Variants in AFAP1L1 observed in about 807,000 individuals in gnomAD.
AFAP1L1 encodes actin filament associated protein 1 like 1.
AFAP1L1 carries 77 observed loss-of-function variants against 99.8 expected under a neutral mutation model. That is an observed-to-expected ratio of 0.77 (90% CI 0.64 to 0.93). AFAP1L1 has a LOEUF of 0.93. AFAP1L1 is among the 40% of genes least tolerant of loss of function. AFAP1L1 has a pLI of 0.00. For synonymous variants in AFAP1L1, 373 were observed against 395.3 expected, an observed-to-expected ratio of 0.94 and a Z score of 0.67; for missense variants, 893 against 996.8, an observed-to-expected ratio of 0.90 and a Z score of 1.40.
At chr5:149,309,289 C>CT (rs552421470) in intron 7 of AFAP1L1, among the ~76,000 whole-genome samples, 5 of 152,164 alleles carry the variant, frequency 3.3e-5, no homozygotes, top group Non-Finnish European at 7.4e-5. Context: ...GATTTCTGGC[C>CT]TTTTTTTCTA....
At chr5:149,308,831 A>T (rs1756517573) in intron 7 of AFAP1L1, among the ~76,000 whole-genome samples, 1 of 151,926 alleles carries the variant, frequency 6.6e-6, no homozygotes, top group African/African-American at 2.4e-5. Context: ...ATGGTGGCTC[A>T]TGCCTGTTTT....
At chr5:149,303,535 G>T (rs868188974) in intron 5 of AFAP1L1, among the ~76,000 whole-genome samples, 3 of 152,342 alleles carry the variant, frequency 2.0e-5, no homozygotes, top group Admixed American at 6.5e-5. Flanking sequence ...TAGCACAGTG[G>T]AATGCTCTCC....
Position 149,320,157 on chromosome 5 carries a change from G to A in AFAP1L1, c.1626-234G>A, listed in dbSNP as rs1332482114. The stretch of plus-strand genomic sequence containing the variant: ...TCGGATCTCTGTTTTCTGACTCATA[G>A]AATGGTGGTGATGAATTACCTGCCT... On this transcript the variant is annotated intron_variant, in intron 13 of 18. Transcript: ENST00000296721. This position sits in a 1 kb window ranked among gnomAD's most constrained non-coding sequence, Gnocchi z 4.0. Among the ~76,000 whole-genome samples the A allele has an allele frequency of 1.3e-5, 2 of 152,228 alleles. No individual in the cohort carries two copies. Among genetic ancestry groups the A allele is most frequent in the South Asian group, 4.1e-4 (2 of 4,838 alleles).
In AFAP1L1 at chr5:149,312,865, G is replaced by A. The variant is rs1466868157; in HGVS notation, c.1020+661G>A. Among the ~76,000 whole-genome samples the A allele has an allele frequency of 4.6e-5, 7 of 152,184 alleles. 1 individual carries two copies. The East Asian group carries it at 1.4e-3, about 29-fold the overall frequency. On this transcript the variant is annotated intron_variant, in intron 9 of 18. Coordinates refer to ENST00000296721, the MANE Select transcript of AFAP1L1 (RefSeq NM_152406.4). ...GAGTAGGCCGGGCGCAGTGGCTCAC[G>A]CCTGTAATCCCAGCACTTTGGGAGG...
intron 16 of AFAP1L1, among the ~76,000 whole-genome samples, chr5:149,331,262 C>T (rs1201304538): frequency 6.6e-6 from 1 of 151,802 alleles, no homozygotes; most frequent in African/African-American, 2.4e-5. Flanking sequence ...CATAATGAGA[C>T]TTCATCTCTA....
intron 1 of AFAP1L1, 110 bp downstream of exon 1, chr5:149,272,094 G>A: frequency 1.8e-6 from 2 of 1,090,192 alleles, no homozygotes; most frequent in Non-Finnish European, 2.3e-6. Flanking sequence ...TGGGGCGGGG[G>A]CTGAGGAACG....
intron 1 of AFAP1L1, among the ~76,000 whole-genome samples, chr5:149,272,239 C>G (rs73275776): frequency 0.096 from 14,675 of 152,236 alleles, 1,836 homozygotes; most frequent in African/African-American, 0.29. Flanking sequence ...CATAGGCTAA[C>G]GATTTGTAAC....
intron 1 of AFAP1L1, among the ~76,000 whole-genome samples, chr5:149,272,480 G>A (rs1755155735): frequency 2.0e-5 from 3 of 152,042 alleles, no homozygotes; most frequent in Admixed American, 2.0e-4. Flanking sequence ...CAGGGAGGGA[G>A]GAGGCGGGGG....
intron 1 of AFAP1L1, 85 bp downstream of exon 1, chr5:149,272,069 G>A: frequency 1.7e-6 from 2 of 1,170,682 alleles, no homozygotes; most frequent in Non-Finnish European, 2.2e-6. Flanking sequence ...GAGGAGGAGG[G>A]AGAGAGGCGG....
intron 18 of AFAP1L1, among the ~76,000 whole-genome samples, chr5:149,337,591 A>C (rs925313282): frequency 1.3e-5 from 2 of 152,180 alleles, no homozygotes; most frequent in African/African-American, 4.8e-5. Context: ...TCTTAGCCCC[A>C]TTTCACAGCG....
chr5:149,312,203 A>G lies in AFAP1L1; in HGVS notation c.1019A>G (p.Lys340Arg). 6.2e-7 allele frequency: 1 copy of G among 1,614,090 alleles called. No homozygotes were observed. The highest frequency in any genetic ancestry group is 8.5e-7 in the Non-Finnish European group (1 of 1,179,956). Residue 340 changes from lysine to arginine, a missense_variant and splice_region_variant, in exon 9 of 19, where the codon AAG becomes AGG. Coordinates refer to ENST00000296721, the MANE Select transcript of AFAP1L1 (RefSeq NM_152406.4). The part of the protein sequence containing the change: ...PVLLCKLDLD[K>R]RLSQEKQTSD... Reference sequence around the variant, plus strand: ...CTCCTGTGCAAGTTGGACCTGGACAAGGTATATCTGTCTCCACTAAGTCTT... The same window carrying G: ...CTCCTGTGCAAGTTGGACCTGGACAGGGTATATCTGTCTCCACTAAGTCTT...
rs1216487568 is a variant in AFAP1L1, at chr5:149,310,119, C to G, written c.911C>G (p.Ala304Gly). 2 of 1,603,858 alleles carry G rather than the reference C, an allele frequency of 1.2e-6. No homozygotes were observed. Among genetic ancestry groups the G allele is most frequent in the Non-Finnish European group, 1.7e-6 (2 of 1,174,142 alleles). The stretch of plus-strand genomic sequence containing the variant: ...CTGGCACTGCAGAGCCGAGAGCAGG[C>G]CGAGGAGTGGCTGAAGGTGCGTGGC... ...LVLALQSREQ[A>G]EEWLKVIREV... The change falls in exon 8 of 19, where the codon GCC becomes GGC. Residue 304 changes from alanine to glycine, a missense_variant. Physicochemically the swap from Ala to Gly is moderately conservative, Grantham distance 60. Coordinates refer to ENST00000296721, the MANE Select transcript of AFAP1L1 (RefSeq NM_152406.4).
At chr5:149,305,442 T>C (rs1240951851) in intron 5 of AFAP1L1, among the ~76,000 whole-genome samples, 2 of 152,154 alleles carry the variant, frequency 1.3e-5, no homozygotes, top group African/African-American at 4.8e-5. Context: ...CATTTTCTAT[T>C]TTTATGGATG....
At position 149,307,411 on chromosome 5, in the gene AFAP1L1, C is replaced by T; in HGVS notation, c.545C>T (p.Ser182Phe). 1 of 1,614,098 alleles carries T rather than the reference C, an allele frequency of 6.2e-7. No homozygotes were observed. Among genetic ancestry groups the T allele is most frequent in the South Asian group, 1.1e-5 (1 of 91,080 alleles). ...NGELKSSYND[S>F]DAMSSSYESY... is the part of the protein sequence containing the mutation. Reference sequence around the variant, plus strand: ...CCCGTGACGCCTGCAGATAATGACTCTGACGCAATGAGCAGCTCCTATGAG... The same window carrying T: ...CCCGTGACGCCTGCAGATAATGACTTTGACGCAATGAGCAGCTCCTATGAG... Residue 182 changes from serine (S) to phenylalanine (F), a missense_variant, in exon 7 of 19, where the codon TCT becomes TTT. Physicochemically the swap from Ser to Phe is radical, Grantham distance 155. Transcript: ENST00000296721.
intron 1 of AFAP1L1, among the ~76,000 whole-genome samples, chr5:149,294,584 G>A (rs1427736004): frequency 6.6e-6 from 1 of 152,166 alleles, no homozygotes; most frequent in Non-Finnish European, 1.5e-5. Context: ...GTTAATTCAG[G>A]TATTTGCTTT....
At chr5:149,303,993 C>A (rs1382770169) in intron 5 of AFAP1L1, among the ~76,000 whole-genome samples, 1 of 152,158 alleles carries the variant, frequency 6.6e-6, no homozygotes, top group East Asian at 1.9e-4. Context: ...TGTCATCACC[C>A]CAGAAGGAAG....
chr5:149,295,372 C>T (rs1231767221), intron 1 of AFAP1L1, among the ~76,000 whole-genome samples: 1 of 152,200 alleles, frequency 6.6e-6, no homozygotes, highest in Non-Finnish European at 1.5e-5. Context: ...AAATGCAGAG[C>T]GCTCATGCAG....
intron 15 of AFAP1L1, among the ~76,000 whole-genome samples, chr5:149,328,139 G>C (rs1052522893): frequency 6.6e-6 from 1 of 152,186 alleles, no homozygotes; most frequent in Non-Finnish European, 1.5e-5. Context: ...CCTCCATGCT[G>C]TATTTATGAT....
At chr5:149,286,579 A>G (rs972993785) in intron 1 of AFAP1L1, among the ~76,000 whole-genome samples, 2 of 152,164 alleles carry the variant, frequency 1.3e-5, no homozygotes, top group East Asian at 1.9e-4. Flanking sequence ...GTTTTTCTGA[A>G]TGAGGTGCTA....
Sources: gnomAD v4.1 joint callset for allele counts (sites outside exome capture counted in the v4.1 genomes callset) on GRCh38, gnomAD v4.1.1 for gene constraint, Gnocchi (gnomAD v3.1) non-coding constraint, MANE v1.5 for transcripts, NCBI Gene and HGNC (gene_info 2026-07-23, HGNC 2026-07-21) for gene names.